The following KCNN3 variants were observed in gnomAD, a reference collection of about 807,000 sequenced individuals.
KCNN3 encodes the protein potassium calcium-activated channel subfamily N member 3.
Under a neutral mutation model 62.9 loss-of-function variants are expected in KCNN3, and 16 were observed. The ratio of observed to expected loss-of-function variants is 0.25; its 90% CI spans 0.17 to 0.39. KCNN3 has a LOEUF of 0.39. Ranked by LOEUF, KCNN3 falls within the 10% of genes least tolerant of loss-of-function variation. The probability of loss-of-function intolerance (pLI) is 1.00; values close to 1 mark genes in which losing one functional copy is unlikely to be tolerated. For missense variants in KCNN3, 599 were observed against 949.4 expected (o/e 0.63, Z 4.85); for synonymous variants, 370 against 389.2 (o/e 0.95, Z 0.58).
At chr1:154,812,835 G>A (rs1174646106) in intron 2 of KCNN3, among the ~76,000 whole-genome samples, 1 of 152,190 alleles carries the variant, frequency 6.6e-6, no homozygotes. Context: ...CTGTGACTGG[G>A]CAGAGGCAAG....
Position 154,725,917 on chromosome 1 carries a change from C to A in KCNN3, c.1700G>T (p.Arg567Leu). Residue 567 changes from arginine (R) to leucine (L), a missense_variant and splice_region_variant, in exon 5 of 8, where the codon CGG (arginine) becomes CTG (leucine). Arg to Leu is a moderately radical substitution (Grantham distance 102, BLOSUM62 -2). Around this residue, in one of 7 missense-constraint regions of KCNN3, gnomAD observed 288 missense variants for 557.4 expected, o/e 0.52. Transcript: ENST00000271915. The stretch of plus-strand genomic sequence containing the variant: ...AGACATGGCTGTGTGGCATCTTACC[C>A]GCTTGGTGAGCTGAGTGTCCATCAT... ...NFMMDTQLTK[R>L]IKNAAANVLR... 1.2e-6 allele frequency: 2 copies of A among 1,612,690 alleles called. No homozygotes were observed. Among genetic ancestry groups the A allele is most frequent in the Non-Finnish European group, 1.7e-6 (2 of 1,178,770 alleles).
At chr1:154,715,176 G>A (rs971432668) in intron 5 of KCNN3, among the ~76,000 whole-genome samples, 173 bp from the exon 6 acceptor site, 6 of 152,066 alleles carry the variant, frequency 3.9e-5, no homozygotes, top group East Asian at 1.9e-4. Context: ...GGTGGCTCCC[G>A]CCTGTAATCT....
rs1699835072 is a variant in KCNN3 at position 154,700,736 on chromosome 1, G to C, written c.*7240C>G. On this transcript the variant is annotated 3_prime_UTR_variant, in exon 8 of 8. Transcript: ENST00000271915. ...GAGAATTGCATGAACCCAGGAGGCA[G>C]AGCTTGCAGTGAGCTGAGATGGCGC... 1 of 152,134 alleles carries C rather than the reference G, an allele frequency of 6.6e-6. No homozygotes were observed. Among genetic ancestry groups the C allele is most frequent in the African/African-American group, 2.4e-5 (1 of 41,416 alleles). 9.4% of individuals were successfully genotyped at this position (152,134 alleles called of 1,614,324 possible).
At chr1:154,807,783 C>T (rs1227185304) in intron 2 of KCNN3, among the ~76,000 whole-genome samples, 1 of 152,182 alleles carries the variant, frequency 6.6e-6, no homozygotes, top group Non-Finnish European at 1.5e-5. Context: ...CAAGCCCTGG[C>T]TCCTGGTTGG....
At chr1:154,783,364 C>T (rs1649141606) in intron 2 of KCNN3, among the ~76,000 whole-genome samples, 1 of 152,226 alleles carries the variant, frequency 6.6e-6, no homozygotes, top group Non-Finnish European at 1.5e-5. Flanking sequence ...GGGAAACCCA[C>T]ATCGTTATCT....
intron 2 of KCNN3, among the ~76,000 whole-genome samples, chr1:154,788,865 T>C (rs1314462822): frequency 6.6e-6 from 1 of 152,190 alleles, no homozygotes; most frequent in Non-Finnish European, 1.5e-5. Flanking sequence ...GGCCTTATTA[T>C]TGAAAGATGA....
chr1:154,708,442 T>G (rs1319721134), intron 7 of KCNN3, among the ~76,000 whole-genome samples, 170 bp from the exon 8 acceptor site: 1 of 152,172 alleles, frequency 6.6e-6, no homozygotes, highest in African/African-American at 2.4e-5. Flanking sequence ...GATGCTGAAG[T>G]GTGCACATTT....
At chr1:154,829,990 C>T (rs1651318579) in intron 1 of KCNN3, among the ~76,000 whole-genome samples, 1 of 152,174 alleles carries the variant, frequency 6.6e-6, no homozygotes, top group Non-Finnish European at 1.5e-5. Context: ...GGAATTTTTA[C>T]ATTGCATTTG....
At chr1:154,783,653 T>C (rs905178036) in intron 2 of KCNN3, among the ~76,000 whole-genome samples, 24 of 152,032 alleles carry the variant, frequency 1.6e-4, no homozygotes, top group African/African-American at 5.8e-4. Flanking sequence ...GCCCTAGAAA[T>C]GAACAGGAAC....
intron 3 of KCNN3, among the ~76,000 whole-genome samples, chr1:154,767,824 C>T (rs1169966861): frequency 6.6e-6 from 1 of 152,216 alleles, no homozygotes; most frequent in Non-Finnish European, 1.5e-5. Context: ...CGCTGCCCTC[C>T]CCATGGCACG....
chr1:154,730,983 T>G (rs1034184179), intron 4 of KCNN3, among the ~76,000 whole-genome samples: 1 of 151,694 alleles, frequency 6.6e-6, no homozygotes, highest in Admixed American at 6.6e-5. Flanking sequence ...AGATGCGGAG[T>G]CCAGGAACCA....
intron 3 of KCNN3, among the ~76,000 whole-genome samples, chr1:154,761,159 T>A (rs1647992035): frequency 7.0e-6 from 1 of 143,320 alleles, no homozygotes; most frequent in South Asian, 2.2e-4. Context: ...TAATAAAAAA[T>A]CACATGTAAC....
chr1:154,808,951 C>T (rs894203094), intron 2 of KCNN3, among the ~76,000 whole-genome samples: 41 of 152,280 alleles, frequency 2.7e-4, no homozygotes, highest in African/African-American at 8.2e-4. Flanking sequence ...CCCGCAGAGC[C>T]GCCTCGTGGC....
In KCNN3 at chr1:154,756,028, G is replaced by A. The variant is rs930675674; in HGVS notation, c.1448+15947C>T. Among the ~76,000 whole-genome samples the A allele has an allele frequency of 7.1e-5, 8 of 113,184 alleles. 1 individual carries two copies. The highest frequency in any genetic ancestry group is 1.3e-4 in the Non-Finnish European group (7 of 52,224). The allele number at this position is 113,184 out of a possible 152,430, so 74.3% of individuals were successfully genotyped here. A position where few individuals can be genotyped will look rare whatever the true frequency, so the allele number is the denominator to read the frequency against. The stretch of plus-strand genomic sequence containing the variant: ...AGCCAAAGGCAAAGAAGAAGAAGAC[G>A]ATGATGAAAAGGAGGAGGAGGAGGA... On this transcript the variant is annotated intron_variant, in intron 3 of 7. Transcript: ENST00000271915.
At chr1:154,777,790 G>T (rs1648854510) in intron 2 of KCNN3, among the ~76,000 whole-genome samples, 2 of 152,210 alleles carry the variant, frequency 1.3e-5, no homozygotes, top group African/African-American at 2.4e-5. Flanking sequence ...ACAGAGTGTG[G>T]CATGGGGCAG....
intron 1 of KCNN3, among the ~76,000 whole-genome samples, chr1:154,843,267 C>T (rs1651910402): frequency 6.6e-6 from 1 of 152,122 alleles, no homozygotes; most frequent in South Asian, 2.1e-4. Context: ...CCCTGCAGAA[C>T]AGTTCCCCTC....
chr1:154,790,463 A>C (rs996699672), intron 2 of KCNN3, among the ~76,000 whole-genome samples: 1 of 152,350 alleles, frequency 6.6e-6, no homozygotes, highest in African/African-American at 2.4e-5. Context: ...ACATTTGAGC[A>C]AAATCATCTA....
chr1:154,811,218 G>A (rs1390388332), intron 2 of KCNN3, among the ~76,000 whole-genome samples: 1 of 152,186 alleles, frequency 6.6e-6, no homozygotes, highest in Non-Finnish European at 1.5e-5. Context: ...TTTAGGGGCT[G>A]ACAAAGTGGG....
chr1:154,866,956 G>A (rs561791986), intron 1 of KCNN3, among the ~76,000 whole-genome samples: 4 of 152,300 alleles, frequency 2.6e-5, no homozygotes, highest in East Asian at 3.9e-4. Flanking sequence ...CTCCCGTCGC[G>A]TTAAGACAAA....
Sources: gnomAD v4.1 joint callset for allele counts (sites outside exome capture counted in the v4.1 genomes callset) on GRCh38, gnomAD v4.1.1 for gene constraint, gnomAD v4.1.1 regional missense constraint, MANE v1.5 for transcripts, NCBI Gene and HGNC (gene_info 2026-07-23, HGNC 2026-07-21) for gene names.